The following CDH13 variants were observed in gnomAD, a reference collection of about 807,000 sequenced individuals.
CDH13 encodes the protein cadherin 13.
Under a neutral mutation model 63.8 loss-of-function variants are expected in CDH13, and 24 were observed. The observed-to-expected ratio is 0.38, with a 90% CI of 0.27 to 0.53. The LOEUF is 0.53. Among genes scored for constraint, CDH13 ranks in the 20% least tolerant of loss-of-function variants. The probability of loss-of-function intolerance (pLI) is 0.85; values close to 1 mark genes in which losing one functional copy is unlikely to be tolerated. For missense variants in CDH13, 1,049 were observed against 903.1 expected (o/e 1.16, Z -2.07); for synonymous variants, 503 against 355.3 (o/e 1.42, Z -4.67).
intron 5 of CDH13, among the ~76,000 whole-genome samples, chr16:83,249,371 A>G (rs1258586378): frequency 1.3e-5 from 2 of 152,152 alleles, no homozygotes; most frequent in Non-Finnish European, 2.9e-5. Context: ...AATGGGCAAC[A>G]CCAAGGATTG....
chr16:83,767,887 T>C (rs967292799), intron 11 of CDH13, among the ~76,000 whole-genome samples: 2 of 152,120 alleles, frequency 1.3e-5, no homozygotes, highest in Non-Finnish European at 2.9e-5. Flanking sequence ...AGGTTTATTT[T>C]TGGGGGTGAT....
chr16:83,054,251 C>T (rs2030692378), intron 3 of CDH13, among the ~76,000 whole-genome samples: 1 of 152,152 alleles, frequency 6.6e-6, no homozygotes. Flanking sequence ...GTATGCTTTT[C>T]CTATACATAT....
At chr16:83,432,903 A>G (rs539948254) in intron 6 of CDH13, among the ~76,000 whole-genome samples, 2 of 152,326 alleles carry the variant, frequency 1.3e-5, no homozygotes, top group African/African-American at 4.8e-5. Context: ...GTTTGACATA[A>G]CATTTATGTT....
At chr16:83,048,707 AC>A (rs1408735404) in intron 3 of CDH13, among the ~76,000 whole-genome samples, 1 of 151,682 alleles carries the variant, frequency 6.6e-6, no homozygotes, top group Non-Finnish European at 1.5e-5. Flanking sequence ...ATATCCCTTC[AC>A]TTGTACCCTT....
intron 1 of CDH13, among the ~76,000 whole-genome samples, chr16:82,710,552 A>AAAAAAAAAATAT (rs60196638): frequency 1.6e-5 from 1 of 63,768 alleles, no homozygotes; most frequent in African/African-American, 5.8e-5. Flanking sequence ...AAAAAAAAAA[A>AAAAAAAAAATAT]ATATATATAT....
intron 6 of CDH13, among the ~76,000 whole-genome samples, chr16:83,456,685 G>A (rs572901454): frequency 6.6e-6 from 1 of 152,186 alleles, no homozygotes; most frequent in South Asian, 2.1e-4. Context: ...CTAGGGGGCT[G>A]GGCGCAGGGT....
At chr16:82,676,954 G>A (rs1180802832) in intron 1 of CDH13, among the ~76,000 whole-genome samples, 1 of 152,124 alleles carries the variant, frequency 6.6e-6, no homozygotes, top group South Asian at 2.1e-4. Context: ...CGCAAGCTCA[G>A]CTCGCTGCAA....
intron 2 of CDH13, among the ~76,000 whole-genome samples, chr16:82,947,001 C>T (rs994346700): frequency 1.9e-4 from 21 of 110,476 alleles, no homozygotes; most frequent in Admixed American, 1.4e-3. Flanking sequence ...TAAGTGCGCA[C>T]GCCTGTGTGT....
chr16:83,618,985 G>A (rs920793910), intron 8 of CDH13, among the ~76,000 whole-genome samples: 2 of 152,190 alleles, frequency 1.3e-5, no homozygotes, highest in Admixed American at 1.3e-4. Flanking sequence ...TTTTTCCAGT[G>A]TTGGCACTTT....
chr16:83,100,343 C>G (rs1483641556), intron 3 of CDH13, among the ~76,000 whole-genome samples: 1 of 152,002 alleles, frequency 6.6e-6, no homozygotes, highest in Non-Finnish European at 1.5e-5. Flanking sequence ...GTTGGGGATA[C>G]CATATATTTT....
chr16:83,755,553 G>T (rs759042399), intron 11 of CDH13, among the ~76,000 whole-genome samples: 1 of 152,072 alleles, frequency 6.6e-6, no homozygotes, highest in Non-Finnish European at 1.5e-5. Flanking sequence ...GTTAAAAATA[G>T]CCTGAGAATA....
intron 3 of CDH13, among the ~76,000 whole-genome samples, chr16:83,052,072 T>A (rs1312712308): frequency 1.3e-5 from 2 of 152,314 alleles, no homozygotes; most frequent in African/African-American, 4.8e-5. Flanking sequence ...AGAGAAATAA[T>A]TCAAGCAGCT....
chr16:83,153,448 C>T (rs1007968451), intron 4 of CDH13, among the ~76,000 whole-genome samples: 1 of 152,114 alleles, frequency 6.6e-6, no homozygotes, highest in African/African-American at 2.4e-5. Context: ...ACCATAATTT[C>T]TAATCTTGTG....
intron 1 of CDH13, among the ~76,000 whole-genome samples, chr16:82,829,978 C>T (rs558116835): frequency 5.9e-5 from 9 of 152,322 alleles, no homozygotes; most frequent in Non-Finnish European, 7.4e-5. Context: ...GAGTAACCAA[C>T]ATTATTATTT....
chr16:83,312,591 A>G (rs1439211001), intron 5 of CDH13, among the ~76,000 whole-genome samples: 1 of 152,160 alleles, frequency 6.6e-6, no homozygotes. Context: ...GGAGGAAACA[A>G]CACTGTGACT....
intron 11 of CDH13, among the ~76,000 whole-genome samples, chr16:83,752,944 G>A (rs1433874496): frequency 6.6e-6 from 1 of 152,132 alleles, no homozygotes; most frequent in African/African-American, 2.4e-5. Context: ...TCCACTTGTT[G>A]TCTAACTCTG....
chr16:83,488,304 A>T (rs533560795), intron 7 of CDH13, among the ~76,000 whole-genome samples: 9 of 152,306 alleles, frequency 5.9e-5, no homozygotes, highest in African/African-American at 1.9e-4. Context: ...GGTCATATGC[A>T]TGTTTATATT....
At chr16:83,038,710 C>T (rs1012877110) in intron 3 of CDH13, among the ~76,000 whole-genome samples, 2 of 152,208 alleles carry the variant, frequency 1.3e-5, no homozygotes, top group African/African-American at 4.8e-5. Flanking sequence ...AAAGTTTACA[C>T]AGAAAAGCTC....
chr16:83,080,101 G>A (rs1472385621), intron 3 of CDH13, among the ~76,000 whole-genome samples: 2 of 152,198 alleles, frequency 1.3e-5, no homozygotes, highest in Non-Finnish European at 2.9e-5. Context: ...TGGCCTGGGT[G>A]AAGGTCAAGG....
Sources: gnomAD v4.1 joint callset for allele counts (sites outside exome capture counted in the v4.1 genomes callset) on GRCh38, gnomAD v4.1.1 for gene constraint, MANE v1.5 for transcripts, NCBI Gene and HGNC (gene_info 2026-07-23, HGNC 2026-07-21) for gene names.